Variants in DDX19A observed in about 807,000 individuals in gnomAD.
DDX19A encodes the protein DEAD-box helicase 19A.
Under a neutral mutation model 60.6 loss-of-function variants are expected in DDX19A, and 12 were observed. The ratio of observed to expected loss-of-function variants is 0.20; its 90% CI spans 0.13 to 0.32. DDX19A has a LOEUF of 0.32. Among genes scored for constraint, DDX19A ranks in the 10% least tolerant of loss-of-function variants. The probability of loss-of-function intolerance (pLI) is 1.00; values close to 1 mark genes in which losing one functional copy is unlikely to be tolerated. For missense variants in DDX19A, 337 were observed against 600.6 expected, an observed-to-expected ratio of 0.56 and a Z score of 4.59; for synonymous variants, 206 against 218.2, an observed-to-expected ratio of 0.94 and a Z score of 0.49.
chr16:70,367,123 G>C (rs1458196583), intron 9 of DDX19A, among the ~76,000 whole-genome samples: 2 of 151,990 alleles, frequency 1.3e-5, no homozygotes, highest in Admixed American at 6.6e-5. Flanking sequence ...ATATTTGTAA[G>C]AAAAATAAAA....
At chr16:70,355,424 C>T (rs570776782) in intron 2 of DDX19A, 61 bp from the exon 3 acceptor site, 4 of 1,134,086 alleles carry the variant, frequency 3.5e-6, no homozygotes, top group South Asian at 2.6e-5. Context: ...TTATATTGTC[C>T]CACATTTTTG....
rs1964653755 is a variant in DDX19A at position 70,370,556 on chromosome 16, A to G, written c.1183+171A>G. 3 of 1,120,218 alleles carry G rather than the reference A, an allele frequency of 2.7e-6. No homozygotes were observed. In the South Asian group the frequency reaches 7.1e-5, roughly 26 times the overall value. 69.4% of individuals were successfully genotyped at this position (1,120,218 alleles called of 1,614,324 possible). On this transcript the variant is annotated intron_variant, in intron 10 of 11. Coordinates refer to ENST00000302243, the MANE Select transcript of DDX19A (RefSeq NM_018332.5). ...TTTGGATTTCCCTGAGGTGGTAAGA[A>G]CTCACACATGCCAGGTGCGGTGGCT...
Position 70,366,632 on chromosome 16 carries a change from C to T in DDX19A, c.791C>T (p.Pro264Leu). Reference protein sequence around the residue: ...DQSIRIQRMLPRNCQMLLFSA... With the variant: ...DQSIRIQRMLLRNCQMLLFSA... ...CGGGCCTTCCCTTGCAGGATGCTGC[C>T]CAGGAACTGCCAGATGCTGCTTTTC... The change falls in exon 9 of 12, where the codon CCC becomes CTC. Residue 264 changes from proline to leucine, a missense_variant. Physicochemically the swap from Pro to Leu is moderately conservative, Grantham distance 98 (BLOSUM62 -3). Around this residue, in one of 6 missense-constraint regions of DDX19A, gnomAD observed 117 missense variants for 274.3 expected, o/e 0.43. Transcript: ENST00000302243. 6.2e-7 allele frequency: 1 copy of T among 1,614,142 alleles called. No homozygotes were observed. The highest frequency in any genetic ancestry group is 8.5e-7 in the Non-Finnish European group (1 of 1,180,026).
At chr16:70,361,544 G>A in intron 5 of DDX19A, 34 bp downstream of exon 5, 1 of 1,547,020 alleles carries the variant, frequency 6.5e-7, no homozygotes, top group Non-Finnish European at 8.9e-7. Flanking sequence ...CTCACCCAGT[G>A]TGATTAGATC....
intron 3 of DDX19A, 60 bp from the exon 4 acceptor site, chr16:70,356,052 G>A (rs1964175313): frequency 6.2e-7 from 1 of 1,605,170 alleles, no homozygotes; most frequent in South Asian, 1.1e-5. Flanking sequence ...AGAAAGAGTG[G>A]CTTCATAAGC....
chr16:70,370,524 G>C, intron 10 of DDX19A, 139 bp downstream of exon 10: 1 of 1,311,656 alleles, frequency 7.6e-7, no homozygotes, highest in South Asian at 1.8e-5. Flanking sequence ...CTTTCTAGGA[G>C]AGACTGTTTG....
intron 1 of DDX19A, 139 bp downstream of exon 1, chr16:70,347,187 G>A (rs1458160339): frequency 2.4e-6 from 2 of 816,442 alleles, no homozygotes. Context: ...ACTTGCCCTT[G>A]ATTTGCTCTT....
intron 4 of DDX19A, among the ~76,000 whole-genome samples, chr16:70,357,392 TTTTTTTTTTTGA>T: frequency 9.9e-6 from 1 of 101,258 alleles, no homozygotes; most frequent in Non-Finnish European, 2.0e-5. Context: ...TTTTTTTTTT[TTTTTTTTTTTGA>T]GACCAAGTCG....
intron 2 of DDX19A, among the ~76,000 whole-genome samples, chr16:70,353,642 T>C (rs982559408): frequency 2.6e-5 from 4 of 152,076 alleles, no homozygotes; most frequent in African/African-American, 9.7e-5. Flanking sequence ...GGCTCATGCT[T>C]GTAATTCCAG....
At chr16:70,364,938 TAA>T (rs1964471728) in intron 6 of DDX19A, 77 bp from the exon 7 acceptor site, 1 of 1,088,392 alleles carries the variant, frequency 9.2e-7, no homozygotes, top group Non-Finnish European at 1.4e-6. Flanking sequence ...CAAGTGCTAA[TAA>T]CATCAGCATA....
intron 1 of DDX19A, among the ~76,000 whole-genome samples, chr16:70,349,164 G>A (rs960229018): frequency 1.3e-5 from 2 of 152,120 alleles, no homozygotes; most frequent in African/African-American, 4.8e-5. Context: ...AGGCTCATGG[G>A]CTAAGTCCAG....
In DDX19A at chr16:70,372,310, C is replaced by T; in HGVS notation, c.*324C>T. ...CTGATTTTGGCTAGGCATCGTGGAACCAGCTCCAGCCCCTGAAGAAACGAT... is the reference window on the plus strand; with the variant it reads ...CTGATTTTGGCTAGGCATCGTGGAATCAGCTCCAGCCCCTGAAGAAACGAT... On this transcript the variant is annotated 3_prime_UTR_variant, in exon 12 of 12. Transcript: ENST00000302243. 3 of 441,286 alleles carry T rather than the reference C, an allele frequency of 6.8e-6. No individual in the cohort carries two copies. Among genetic ancestry groups the T allele is most frequent in the Middle Eastern group, 6.7e-4 (1 of 1,492 alleles). 27.3% of individuals were successfully genotyped at this position (441,286 alleles called of 1,614,324 possible). A position where few individuals can be genotyped will look rare whatever the true frequency, so the allele number is the denominator to read the frequency against.
intron 10 of DDX19A, 150 bp from the exon 11 acceptor site, chr16:70,371,222 A>T: frequency 7.3e-7 from 1 of 1,376,060 alleles, no homozygotes; most frequent in Non-Finnish European, 1.0e-6. Flanking sequence ...TTGCCTGCCT[A>T]TATGTGTGCC....
At chr16:70,360,048 A>C (rs1964322186) in intron 4 of DDX19A, among the ~76,000 whole-genome samples, 1 of 152,038 alleles carries the variant, frequency 6.6e-6, no homozygotes, top group South Asian at 2.1e-4. Context: ...TGGGAGGCCG[A>C]GGCAGGTGGA....
intron 2 of DDX19A, among the ~76,000 whole-genome samples, chr16:70,355,214 T>G (rs1964146530): frequency 6.6e-6 from 1 of 151,982 alleles, no homozygotes. Context: ...CCGTCTCTAC[T>G]AAAATTACAT....
intron 4 of DDX19A, among the ~76,000 whole-genome samples, chr16:70,357,161 G>C (rs1056389210): frequency 1.3e-5 from 2 of 150,238 alleles, no homozygotes; most frequent in Non-Finnish European, 3.0e-5. Context: ...GGCGGAGGCT[G>C]AGGCAGGAGA....
Position 70,361,418 on chromosome 16 carries a change from G to A in DDX19A, c.294G>A (p.Leu98=). ...YSVKSFEELR[L]KPQLLQGVYA... ...ATCCTCTGTCTTCCTGGCTTCCTAGGAAACCACAGCTTCTCCAGGGAGTCT... is the reference window on the plus strand; with the variant it reads ...ATCCTCTGTCTTCCTGGCTTCCTAGAAAACCACAGCTTCTCCAGGGAGTCT... The change falls in exon 5 of 12, where the codon CTG becomes CTA. Residue 98 remains leucine, a splice_region_variant and synonymous_variant. Transcript: ENST00000302243. The A allele has an allele frequency of 6.2e-7, 1 of 1,612,730 alleles. No homozygotes were observed. Among genetic ancestry groups the A allele is most frequent in the Non-Finnish European group, 8.5e-7 (1 of 1,178,864 alleles).
chr16:70,355,908 GC>G, intron 3 of DDX19A: 1 of 658,300 alleles, frequency 1.5e-6, no homozygotes, highest in Non-Finnish European at 2.5e-6. Flanking sequence ...ACTACAGTGA[GC>G]TCTGATTGCT....
At chr16:70,364,876 T>C in intron 6 of DDX19A, 141 bp from the exon 7 acceptor site, 2 of 724,080 alleles carry the variant, frequency 2.8e-6, no homozygotes, top group Non-Finnish European at 4.7e-6. Flanking sequence ...CAGGCTTCAG[T>C]CTATGGCTGA....
Sources: gnomAD v4.1 joint callset for allele counts (sites outside exome capture counted in the v4.1 genomes callset) on GRCh38, gnomAD v4.1.1 for gene constraint, gnomAD v4.1.1 regional missense constraint, MANE v1.5 for transcripts, NCBI Gene and HGNC (gene_info 2026-07-23, HGNC 2026-07-21) for gene names.